OTUD7A: variants seen among roughly 807,000 people sequenced by gnomAD.
The protein encoded by OTUD7A is OTU domain-containing protein 7A.
OTUD7A carries 12 observed loss-of-function variants against 65.7 expected under a neutral mutation model. The ratio of observed to expected loss-of-function variants is 0.18; its 90% confidence interval spans 0.12 to 0.30. The LOEUF is 0.30. Among genes scored for constraint, OTUD7A ranks in the 10% least tolerant of loss-of-function variants. The probability of loss-of-function intolerance (pLI) is 1.00; values close to 1 mark genes in which losing one functional copy is unlikely to be tolerated. For synonymous variants in OTUD7A, 641 were observed against 586.3 expected (o/e 1.09, Z -1.35); for missense variants, 1,148 against 1,304.8 (o/e 0.88, Z 1.85).
chr15:31,644,861 A>G (rs1057248954), intron 3 of OTUD7A, among the ~76,000 whole-genome samples: 11 of 152,344 alleles, frequency 7.2e-5, no homozygotes, highest in South Asian at 2.1e-4. Context: ...GTGCTTGTCC[A>G]GCCTGGCTGG....
chr15:31,588,934 G>A (rs372944742), intron 3 of OTUD7A, among the ~76,000 whole-genome samples: 4 of 152,314 alleles, frequency 2.6e-5, no homozygotes, highest in South Asian at 4.1e-4. Context: ...CACCTCCTCA[G>A]GCAGCCTATG....
intron 3 of OTUD7A, among the ~76,000 whole-genome samples, chr15:31,625,071 A>G (rs8026705): frequency 0.6 from 91,136 of 151,994 alleles, 29,286 homozygotes; most frequent in East Asian, 0.92. Context: ...CTCATCACTC[A>G]CTCTGAGGGA....
chr15:31,585,147 T>C (rs2141189178), intron 3 of OTUD7A, among the ~76,000 whole-genome samples: 1 of 152,274 alleles, frequency 6.6e-6, no homozygotes, highest in South Asian at 2.1e-4. Context: ...TGGTTAGATA[T>C]GGGCCAAAGG....
chr15:31,504,669 T>C (rs1037770), intron 8 of OTUD7A, among the ~76,000 whole-genome samples: 110,644 of 151,580 alleles, frequency 0.73, 40,485 homozygotes, highest in East Asian at 0.84. Flanking sequence ...TCCTGAGTGT[T>C]TGAGGAATGC....
chr15:31,669,923 C>T (rs1892436554), intron 1 of OTUD7A, among the ~76,000 whole-genome samples: 1 of 148,656 alleles, frequency 6.7e-6, no homozygotes, highest in African/African-American at 2.6e-5. Flanking sequence ...TCAATTTCTC[C>T]ATTGGGGGTG....
chr15:31,585,013 C>T (rs1436536825), intron 3 of OTUD7A, among the ~76,000 whole-genome samples: 1 of 152,190 alleles, frequency 6.6e-6, no homozygotes, highest in African/African-American at 2.4e-5. Flanking sequence ...ATGAACAAAA[C>T]TCAAGATGGG....
chr15:31,849,079 C>T (rs532818447), intron 1 of OTUD7A, among the ~76,000 whole-genome samples: 20 of 152,214 alleles, frequency 1.3e-4, no homozygotes, highest in Non-Finnish European at 2.4e-4. Context: ...CTGAGAGATC[C>T]ACTGTTAGTC....
chr15:31,787,604 G>A (rs1895707747), intron 1 of OTUD7A: 1 of 152,150 alleles, frequency 6.6e-6, no homozygotes, highest in African/African-American at 2.4e-5. Context: ...AAAGTACTTA[G>A]GCTACTGAGA....
At chr15:31,792,656 C>T (rs1282516184) in intron 1 of OTUD7A, among the ~76,000 whole-genome samples, 1 of 152,220 alleles carries the variant, frequency 6.6e-6, no homozygotes, top group African/African-American at 2.4e-5. Flanking sequence ...TCTCTCACAG[C>T]AGACTGTTTC....
Position 31,605,360 on chromosome 15 carries a change from G to C in OTUD7A, c.152-35163C>G, listed in dbSNP as rs115564169. 8.9e-3 allele frequency among the ~76,000 whole-genome samples: 1,352 copies of C among 152,312 alleles called. 29 individuals are homozygous for C. Among genetic ancestry groups the C allele is most frequent in the African/African-American group, 0.031 (1,301 of 41,568 alleles). ...TGTGGGGGCCACTCTGGACACACAG[G>C]GGTGTGCTGGGGACAGTGGCCACGC... On this transcript the variant is annotated intron_variant, in intron 3 of 12. Transcript: ENST00000307050.
At chr15:31,810,818 G>C (rs1313911919) in intron 1 of OTUD7A, among the ~76,000 whole-genome samples, 1 of 152,172 alleles carries the variant, frequency 6.6e-6, no homozygotes, top group African/African-American at 2.4e-5. Context: ...CTGGAATTCT[G>C]TCCAAAAGTC....
chr15:31,488,473 G>T (rs2041270676), intron 10 of OTUD7A, among the ~76,000 whole-genome samples: 1 of 152,156 alleles, frequency 6.6e-6, no homozygotes. Flanking sequence ...CATTGTCAGG[G>T]ACAAGGGCAG....
At chr15:31,788,208 G>A (rs76527240) in intron 1 of OTUD7A, among the ~76,000 whole-genome samples, 4,079 of 152,054 alleles carry the variant, frequency 0.027, 84 homozygotes, top group Middle Eastern at 0.062. Context: ...AATCAGCCTT[G>A]TAGACACTAA....
chr15:31,678,092 C>T (rs965578314), intron 1 of OTUD7A, among the ~76,000 whole-genome samples: 3 of 152,164 alleles, frequency 2.0e-5, no homozygotes, highest in African/African-American at 7.2e-5. Context: ...TTTGCCCCTG[C>T]CCTAGGGATC....
rs1239539940 is a variant in OTUD7A at position 31,862,560 on chromosome 15, G to C, written c.-100+7947C>G. The stretch of plus-strand genomic sequence containing the variant: ...GCAGTGGCAAGAGAAAAATAAGGAA[G>C]AAGCAAAAGCGGAAACCCCTGATAA... On this transcript the variant is annotated intron_variant, in intron 1 of 12. Coordinates refer to ENST00000307050, the MANE Select transcript of OTUD7A (RefSeq NM_001382637.1). 2.6e-5 allele frequency among the ~76,000 whole-genome samples: 4 copies of C among 152,300 alleles called. No homozygotes were observed. In the East Asian group the frequency reaches 7.7e-4, roughly 29 times the overall value.
chr15:31,805,453 C>T (rs562284798), intron 1 of OTUD7A, among the ~76,000 whole-genome samples: 23 of 152,204 alleles, frequency 1.5e-4, no homozygotes, highest in Non-Finnish European at 2.6e-4. Context: ...GGGCCTGACG[C>T]GTGAACCCTC....
intron 1 of OTUD7A, among the ~76,000 whole-genome samples, chr15:31,860,677 G>GTGTATGTATATATATATA (rs560896384): frequency 4.1e-5 from 3 of 73,284 alleles, no homozygotes; most frequent in Admixed American, 1.9e-4. Flanking sequence ...ATGTATGTGT[G>GTGTATGTATATATATATA]TATATATATA....
rs1366018783 is a variant in OTUD7A, at chr15:31,484,993, C to A, written c.1372-269G>T. ...TTCTGGCCAGGGAAGCTGGGGTGTACTCATTCTTTCTCTCTGGGGGACCTC... is the reference window on the plus strand; with the variant it reads ...TTCTGGCCAGGGAAGCTGGGGTGTAATCATTCTTTCTCTCTGGGGGACCTC... On this transcript the variant is annotated intron_variant, in intron 12 of 12. Coordinates refer to ENST00000307050, the MANE Select transcript of OTUD7A (RefSeq NM_001382637.1). This position sits in a 1 kb window ranked among gnomAD's most constrained non-coding sequence, Gnocchi z 4.5. Among the ~76,000 whole-genome samples the A allele has an allele frequency of 6.6e-6, 1 of 152,204 alleles. No individual in the cohort carries two copies. Among genetic ancestry groups the A allele is most frequent in the Non-Finnish European group, 1.5e-5 (1 of 68,036 alleles).
intron 1 of OTUD7A, chr15:31,767,817 T>C: frequency 1.2e-6 from 1 of 828,670 alleles, no homozygotes; most frequent in Non-Finnish European, 2.1e-6. Context: ...TCTTTATCTT[T>C]GGAAAAGTTC....
Sources: gnomAD v4.1 joint callset for allele counts (sites outside exome capture counted in the v4.1 genomes callset) on GRCh38, gnomAD v4.1.1 for gene constraint, Gnocchi (gnomAD v3.1) non-coding constraint, MANE v1.5 for transcripts, NCBI Gene and HGNC (gene_info 2026-07-23, HGNC 2026-07-21) for gene names.